DIPK1B: variants seen among roughly 807,000 people sequenced by gnomAD.
DIPK1B encodes divergent protein kinase domain 1B.
Under a neutral mutation model 20.7 loss-of-function variants are expected in DIPK1B, and 17 were observed. The observed-to-expected ratio is 0.82, with a 90% confidence interval of 0.56 to 1.23. DIPK1B has a LOEUF of 1.23. Among genes scored for constraint, DIPK1B ranks in the 50% most tolerant of loss-of-function variants. The pLI is 0.00. For synonymous variants in DIPK1B, 343 were observed against 276.5 expected, an observed-to-expected ratio of 1.24 and a Z score of -2.39; for missense variants, 648 against 601.8, an observed-to-expected ratio of 1.08 and a Z score of -0.80.
intron 2 of DIPK1B, among the ~76,000 whole-genome samples, chr9:136,718,231 C>A (rs1846532858): frequency 5.7e-5 from 2 of 34,988 alleles, no homozygotes; most frequent in Admixed American, 2.6e-4. Context: ...GTGTGCTGGC[C>A]TCACTGGTCC....
chr9:136,723,231 G>A lies in DIPK1B; in HGVS notation c.753G>A (p.Leu251=). 1.2e-6 allele frequency: 2 copies of A among 1,612,112 alleles called. No homozygotes were observed. The highest frequency in any genetic ancestry group is 1.7e-6 in the Non-Finnish European group (2 of 1,179,602). Residue 251 remains leucine, a synonymous_variant, in exon 5 of 5, where the codon CTG becomes CTA. Coordinates refer to ENST00000371692, the MANE Select transcript of DIPK1B (RefSeq NM_152421.4). ...AAALPPLLRP[L]LPPALQGALQ... ...CCCTTCCACCCCTGTTGCGCCCACT[G>A]CTGCCGCCTGCCCTGCAGGGTGCTC...
intron 2 of DIPK1B, chr9:136,721,708 C>T (rs776908749): frequency 1.1e-5 from 6 of 571,336 alleles, no homozygotes; most frequent in Middle Eastern, 4.7e-4. Flanking sequence ...GGGACCGGAC[C>T]GGAGGGTTGG....
At chr9:136,713,576 G>A (rs373852554) in intron 1 of DIPK1B, among the ~76,000 whole-genome samples, 4 of 152,232 alleles carry the variant, frequency 2.6e-5, no homozygotes, top group East Asian at 3.9e-4. Context: ...GGGGCTTCAG[G>A]TTGTGGTGGT....
rs370101799 is a variant in DIPK1B, at chr9:136,723,598, C to A, written c.1120C>A (p.Arg374=). ...PNLAKVCALL[R]GYLLPGAPAD... ...CCTGGCCAAGGTGTGCGCACTGCTA[C>A]GGGGCTACCTGCTGCCTGGCGCGCC... The change falls in exon 5 of 5, where the codon CGG becomes AGG. Residue 374 remains arginine (R), a synonymous_variant. Transcript: ENST00000371692. 17 of 1,592,114 alleles carry A rather than the reference C, an allele frequency of 1.1e-5. 1 individual carries two copies. The East Asian group carries it at 3.9e-4, about 36-fold the overall frequency.
At chr9:136,720,578 G>T (rs959786059) in intron 2 of DIPK1B, among the ~76,000 whole-genome samples, 2 of 152,206 alleles carry the variant, frequency 1.3e-5, no homozygotes, top group African/African-American at 4.8e-5. Context: ...CTGAGGAGGG[G>T]CGGCAGCCAG....
chr9:136,714,410 G>A (rs571811242), intron 1 of DIPK1B, among the ~76,000 whole-genome samples: 140 of 152,350 alleles, frequency 9.2e-4, no homozygotes, highest in Middle Eastern at 6.8e-3. Context: ...CCCAGTCGGG[G>A]CTCTGGGGAG....
At chr9:136,717,047 G>A (rs1196881670) in intron 1 of DIPK1B, among the ~76,000 whole-genome samples, 1 of 152,024 alleles carries the variant, frequency 6.6e-6, no homozygotes, top group Admixed American at 6.5e-5. Flanking sequence ...TAGTCAACAT[G>A]GTGAAACCCC....
Position 136,712,698 on chromosome 9 carries a change from G to T in DIPK1B, c.33G>T (p.Val11=), listed in dbSNP as rs1276885930. 1 of 1,355,446 alleles carries T rather than the reference G, an allele frequency of 7.4e-7. No individual in the cohort carries two copies. The highest frequency in any genetic ancestry group is 1.7e-5 in the South Asian group (1 of 57,836). 84.0% of individuals were successfully genotyped at this position (1,355,446 alleles called of 1,614,324 possible). A position where few individuals can be genotyped will look rare whatever the true frequency, so the allele number is the denominator to read the frequency against. MRRLRRLAHL[V]LFCPFSKRLQ... ...GGCTGCGGCGCCTGGCGCACCTGGT[G>T]CTCTTCTGCCCCTTCTCCAAGCGCC... Residue 11 remains valine (V), a synonymous_variant, in exon 1 of 5, where the codon GTG becomes GTT. Coordinates refer to ENST00000371692, the MANE Select transcript of DIPK1B (RefSeq NM_152421.4). The surrounding 1 kb of genome is among the most constrained non-coding windows in gnomAD (Gnocchi z 5.6).
rs769407577 is a variant in DIPK1B, at chr9:136,723,524, C to T, written c.1046C>T (p.Pro349Leu). 13 of 1,600,356 alleles carry T rather than the reference C, an allele frequency of 8.1e-6. No homozygotes were observed. Among genetic ancestry groups the T allele is most frequent in the South Asian group, 2.2e-5 (2 of 89,588 alleles). The part of the protein sequence containing the change: ...DCTYGRDCRA[P>L]CDRLMRQCKG... Reference sequence around the variant, plus strand: ...ACCTACGGGCGCGACTGCAGGGCCCCGTGTGACAGGCTCATGAGGCAGTGC... The same window carrying T: ...ACCTACGGGCGCGACTGCAGGGCCCTGTGTGACAGGCTCATGAGGCAGTGC... Residue 349 changes from proline to leucine, a missense_variant, in exon 5 of 5, where the codon CCG (proline) becomes CTG (leucine). By Grantham distance (98) the Pro-to-Leu change is moderately conservative. Transcript: ENST00000371692.
At chr9:136,720,353 G>A (rs1161532409) in intron 2 of DIPK1B, among the ~76,000 whole-genome samples, 1 of 152,118 alleles carries the variant, frequency 6.6e-6, no homozygotes, top group African/African-American at 2.4e-5. Flanking sequence ...GGGGGGCGGG[G>A]ACCCTCCCTC....
Position 136,712,932 on chromosome 9 carries a change from C to T in DIPK1B, c.63+204C>T, listed in dbSNP as rs1240523120. 6.6e-6 allele frequency among the ~76,000 whole-genome samples: 1 copy of T among 152,252 alleles called. No individual in the cohort carries two copies. Among genetic ancestry groups the T allele is most frequent in the East Asian group, 1.9e-4 (1 of 5,170 alleles). On this transcript the variant is annotated intron_variant, in intron 1 of 4. Transcript: ENST00000371692. The surrounding 1 kb of genome is among the most constrained non-coding windows in gnomAD (Gnocchi z 5.6). ...GGGCGGTGGCGGCGACAGGAGGGTC[C>T]GGGCGCGGGGATGCTGCGGCCTGGA...
intron 2 of DIPK1B, chr9:136,720,934 A>G (rs7047133): frequency 0.85 from 129,727 of 152,320 alleles, 55,372 homozygotes; most frequent in East Asian, 0.91. Context: ...GGGCCGGGCC[A>G]AAGAGGGAGG....
At chr9:136,717,228 C>CAA (rs869218686) in intron 1 of DIPK1B, among the ~76,000 whole-genome samples, 6 of 133,410 alleles carry the variant, frequency 4.5e-5, no homozygotes, top group Non-Finnish European at 8.1e-5. Flanking sequence ...GACTCCCTCT[C>CAA]AAAAAAAAAA....
intron 2 of DIPK1B, chr9:136,721,619 C>T (rs1176521118): frequency 2.7e-6 from 1 of 366,242 alleles, no homozygotes; most frequent in South Asian, 3.3e-5. Context: ...GGGGTCGACA[C>T]TGGGTGTGGT....
At chr9:136,722,424 G>A in intron 4 of DIPK1B, 123 bp downstream of exon 4, 2 of 1,121,360 alleles carry the variant, frequency 1.8e-6, no homozygotes, top group Middle Eastern at 2.9e-4. Flanking sequence ...ACCCTGGGCA[G>A]ACCTCCCATC....
rs117283590 is a variant in DIPK1B at position 136,724,340 on chromosome 9, A to G, written c.*566A>G. 3.6e-3 allele frequency among the ~76,000 whole-genome samples: 552 copies of G among 152,372 alleles called. 4 individuals are homozygous for G. The highest frequency in any genetic ancestry group is 0.014 in the Middle Eastern group (4 of 294). ...CAGACCAAGAAAAAGGTGTTCCAGT[A>G]AGAAAACAGATATATGCGGTATTTT... On this transcript the variant is annotated 3_prime_UTR_variant, in exon 5 of 5. Transcript: ENST00000371692.
chr9:136,713,520 G>A (rs527562466), intron 1 of DIPK1B, among the ~76,000 whole-genome samples: 1 of 152,354 alleles, frequency 6.6e-6, no homozygotes, highest in South Asian at 2.1e-4. Context: ...AGAGCGTATG[G>A]AACCTGGCAA....
chr9:136,718,928 A>C (rs1205393463), intron 2 of DIPK1B, among the ~76,000 whole-genome samples: 2 of 152,022 alleles, frequency 1.3e-5, no homozygotes, highest in African/African-American at 4.8e-5. Context: ...ACTTGTTTGG[A>C]GCCCATGCCA....
chr9:136,723,888 C>T lies in DIPK1B; in HGVS notation c.*114C>T, dbSNP rs1846662040. On this transcript the variant is annotated 3_prime_UTR_variant, in exon 5 of 5. Coordinates refer to ENST00000371692, the MANE Select transcript of DIPK1B (RefSeq NM_152421.4). ...GAAATGCAACTGTGTTGCAAAATCACTCCCCTACCGTCAGGGCTCTGGATT... is the reference window on the plus strand; with the variant it reads ...GAAATGCAACTGTGTTGCAAAATCATTCCCCTACCGTCAGGGCTCTGGATT... 1.4e-5 allele frequency: 15 copies of T among 1,102,376 alleles called. No homozygotes were observed. The highest frequency in any genetic ancestry group is 1.9e-5 in the Non-Finnish European group (15 of 784,360). 68.3% of individuals were successfully genotyped at this position (1,102,376 alleles called of 1,614,324 possible).
Sources: allele counts gnomAD v4.1 joint callset (sites outside exome capture counted in the v4.1 genomes callset), GRCh38; gene constraint gnomAD v4.1.1; non-coding constraint Gnocchi (gnomAD v3.1); transcripts MANE v1.5; gene names NCBI Gene and HGNC (gene_info 2026-07-23, HGNC 2026-07-21).